SLC35F1: variants seen among roughly 807,000 people sequenced by gnomAD.
The protein encoded by SLC35F1 is chromosome 6 open reading frame 169.
In SLC35F1, 14 loss-of-function variants were observed where a neutral mutation model predicts 48.7. That is an observed-to-expected ratio of 0.29 (90% CI 0.19 to 0.45). SLC35F1 has a LOEUF of 0.45. Ranked by LOEUF, SLC35F1 falls within the 20% of genes least tolerant of loss-of-function variation. The pLI, the probability that SLC35F1 is intolerant of heterozygous loss-of-function variation, is 1.00. For synonymous variants in SLC35F1, 190 were observed against 202.2 expected (o/e 0.94, Z 0.51); for missense variants, 404 against 500.0 (o/e 0.81, Z 1.83).
At chr6:118,079,771 G>T (rs546976781) in intron 1 of SLC35F1, among the ~76,000 whole-genome samples, 2 of 152,134 alleles carry the variant, frequency 1.3e-5, no homozygotes, top group East Asian at 3.8e-4. Flanking sequence ...CCCCTGTTCT[G>T]TTATTCCCCC....
At chr6:118,154,023 G>C (rs1217849264) in intron 1 of SLC35F1, among the ~76,000 whole-genome samples, 1 of 152,076 alleles carries the variant, frequency 6.6e-6, no homozygotes, top group Admixed American at 6.6e-5. Context: ...GTGGGAATAT[G>C]GTCCCTCCTA....
chr6:118,283,768 C>A (rs142208014), intron 6 of SLC35F1, among the ~76,000 whole-genome samples: 5 of 152,228 alleles, frequency 3.3e-5, no homozygotes, highest in Non-Finnish European at 5.9e-5. Context: ...ATACTTATTG[C>A]ATTTTTAGTA....
At chr6:118,062,193 A>T (rs1772551036) in intron 1 of SLC35F1, among the ~76,000 whole-genome samples, 1 of 152,222 alleles carries the variant, frequency 6.6e-6, no homozygotes, top group African/African-American at 2.4e-5. Flanking sequence ...CTTCAATTAG[A>T]ATAAATTTAA....
At chr6:117,983,380 G>A (rs992278380) in intron 1 of SLC35F1, among the ~76,000 whole-genome samples, 3 of 152,010 alleles carry the variant, frequency 2.0e-5, no homozygotes, top group Non-Finnish European at 4.4e-5. Flanking sequence ...TTCGAGACCC[G>A]CCTGGCCAAC....
rs148973451 is a variant in SLC35F1, at chr6:118,121,277, A to G, written c.174-33168A>G. 4.3e-4 allele frequency among the ~76,000 whole-genome samples: 66 copies of G among 152,312 alleles called. No individual in the cohort carries two copies. In the East Asian group the frequency reaches 0.012, roughly 28 times the overall value. On this transcript the variant is annotated intron_variant, in intron 1 of 7. Transcript: ENST00000360388. ...TCTGTGGTACTACTCTATTTTTAGA[A>G]AGTTGGAAGGGACTTTAAGTAAAAT...
intron 2 of SLC35F1, among the ~76,000 whole-genome samples, chr6:118,207,345 T>C (rs776933989): frequency 1.3e-5 from 2 of 152,260 alleles, no homozygotes; most frequent in African/African-American, 2.4e-5. Context: ...GTTTAGTTGA[T>C]TGACCTTAAG....
chr6:118,271,702 T>C (rs1428425055), intron 4 of SLC35F1, among the ~76,000 whole-genome samples: 1 of 152,318 alleles, frequency 6.6e-6, no homozygotes, highest in East Asian at 1.9e-4. Context: ...TTCTAGTACT[T>C]AAACAAAAAT....
At position 117,928,880 on chromosome 6, in the gene SLC35F1, T is replaced by A. The variant is rs185445430; in HGVS notation, c.173+20981T>A. 3.1e-4 allele frequency among the ~76,000 whole-genome samples: 47 copies of A among 152,264 alleles called. 1 individual carries two copies. Among genetic ancestry groups the A allele is most frequent in the African/African-American group, 1.0e-3 (42 of 41,542 alleles). ...TACGGTGATTGTGAAACTGGCCCAG[T>A]TGTCCCATAGAATTGATATTTATAG... On this transcript the variant is annotated intron_variant, in intron 1 of 7. Coordinates refer to ENST00000360388, the MANE Select transcript of SLC35F1 (RefSeq NM_001029858.4).
At chr6:117,956,448 C>G (rs1242958041) in intron 1 of SLC35F1, among the ~76,000 whole-genome samples, 1 of 152,218 alleles carries the variant, frequency 6.6e-6, no homozygotes, top group African/African-American at 2.4e-5. Context: ...AGGGAGGATT[C>G]TGCCCCTTGC....
At chr6:118,206,606 G>A (rs1774938180) in intron 2 of SLC35F1, among the ~76,000 whole-genome samples, 1 of 152,132 alleles carries the variant, frequency 6.6e-6, no homozygotes, top group African/African-American at 2.4e-5. Context: ...GTGGGAGAAT[G>A]GTGTGATTAT....
At chr6:118,031,493 A>G (rs1379434941) in intron 1 of SLC35F1, among the ~76,000 whole-genome samples, 1 of 152,150 alleles carries the variant, frequency 6.6e-6, no homozygotes, top group Non-Finnish European at 1.5e-5. Flanking sequence ...GGCTAGTTCT[A>G]AGGGGTACAT....
intron 7 of SLC35F1, among the ~76,000 whole-genome samples, chr6:118,310,523 T>A (rs1036577533): frequency 1.6e-4 from 24 of 152,106 alleles, no homozygotes; most frequent in Middle Eastern, 3.4e-3. Flanking sequence ...ACTTTTTTTT[T>A]AAAAAAATAA....
chr6:117,936,217 C>T (rs1042994448), intron 1 of SLC35F1, among the ~76,000 whole-genome samples: 4 of 152,188 alleles, frequency 2.6e-5, no homozygotes, highest in Non-Finnish European at 5.9e-5. Flanking sequence ...TCCTCTTCTG[C>T]ATATAGGGAC....
chr6:118,027,542 G>A (rs1771976751), intron 1 of SLC35F1, among the ~76,000 whole-genome samples: 1 of 152,016 alleles, frequency 6.6e-6, no homozygotes, highest in African/African-American at 2.4e-5. Flanking sequence ...ATGACTTAAT[G>A]ATAGTAAACA....
chr6:118,066,116 CAG>C (rs537953936), intron 1 of SLC35F1, among the ~76,000 whole-genome samples: 4 of 152,210 alleles, frequency 2.6e-5, no homozygotes, highest in Middle Eastern at 3.4e-3. Context: ...GATTTTTGCA[CAG>C]AGAGTCACGG....
chr6:118,056,504 A>G (rs1215791284), intron 1 of SLC35F1, among the ~76,000 whole-genome samples: 1 of 152,214 alleles, frequency 6.6e-6, no homozygotes, highest in African/African-American at 2.4e-5. Flanking sequence ...CCCCTTTTAT[A>G]TTCTGGATAG....
intron 1 of SLC35F1, among the ~76,000 whole-genome samples, chr6:117,981,034 G>C (rs1312357561): frequency 6.6e-6 from 1 of 152,224 alleles, no homozygotes; most frequent in East Asian, 1.9e-4. Flanking sequence ...AGCAGAGGTG[G>C]GGAAAGGAGA....
chr6:117,947,912 G>A (rs1776315538), intron 1 of SLC35F1, among the ~76,000 whole-genome samples: 1 of 152,130 alleles, frequency 6.6e-6, no homozygotes, highest in South Asian at 2.1e-4. Flanking sequence ...AAGGAATTGA[G>A]TATAGATGAA....
chr6:118,291,007 C>A (rs1277981839), intron 7 of SLC35F1, among the ~76,000 whole-genome samples: 1 of 152,008 alleles, frequency 6.6e-6, no homozygotes, highest in Non-Finnish European at 1.5e-5. Flanking sequence ...GTTGGCCAGC[C>A]TGGTCTCGAC....
Sources: allele counts gnomAD v4.1 joint callset (sites outside exome capture counted in the v4.1 genomes callset), GRCh38; gene constraint gnomAD v4.1.1; transcripts MANE v1.5; gene names NCBI Gene and HGNC (gene_info 2026-07-23, HGNC 2026-07-21).